NCKAP5L: variants seen among roughly 807,000 people sequenced by gnomAD.
NCKAP5L encodes the protein NCK associated protein 5 like.
NCKAP5L carries 54 observed loss-of-function variants against 103.2 expected under a neutral mutation model. The ratio of observed to expected loss-of-function variants is 0.52; its 90% CI spans 0.42 to 0.66. The LOEUF is 0.66. NCKAP5L is among the 30% of genes least tolerant of loss of function. The pLI is 0.00. For missense variants in NCKAP5L, 1,733 were observed against 1,750.6 expected, an observed-to-expected ratio of 0.99 and a Z score of 0.18; for synonymous variants, 762 against 748.6, an observed-to-expected ratio of 1.02 and a Z score of -0.29.
Position 49,808,855 on chromosome 12 carries a change from G to A in NCKAP5L, c.-98-2814C>T, listed in dbSNP as rs555286187. Among the ~76,000 whole-genome samples the A allele has an allele frequency of 3.9e-5, 6 of 152,312 alleles. No homozygotes were observed. The East Asian group carries it at 7.7e-4, about 20-fold the overall frequency. On this transcript the variant is annotated intron_variant, in intron 1 of 12. Coordinates refer to ENST00000335999, the MANE Select transcript of NCKAP5L (RefSeq NM_001037806.4). ...CTGGTGGCCCCAACACGTCTGGGAC[G>A]CTGGGTCTGGACACACAGTGCCGGC...
At chr12:49,793,176 G>A (rs1346060759) in intron 10 of NCKAP5L, among the ~76,000 whole-genome samples, 176 bp downstream of exon 10, 9 of 152,162 alleles carry the variant, frequency 5.9e-5, no homozygotes, top group Admixed American at 4.6e-4. Flanking sequence ...GGTGGGGCGA[G>A]TACCCTGAGG....
intron 1 of NCKAP5L, among the ~76,000 whole-genome samples, chr12:49,808,875 G>T (rs983184725): frequency 6.6e-6 from 1 of 152,198 alleles, no homozygotes; most frequent in African/African-American, 2.4e-5. Context: ...GACACACAGT[G>T]CCGGCCAGGC....
intron 1 of NCKAP5L, among the ~76,000 whole-genome samples, chr12:49,827,882 T>G (rs1211422726): frequency 1.3e-5 from 2 of 152,090 alleles, no homozygotes; most frequent in Non-Finnish European, 2.9e-5. Context: ...CGCCTGCGCT[T>G]TGGGGAGAGA....
At chr12:49,815,028 G>T (rs772929684) in intron 1 of NCKAP5L, among the ~76,000 whole-genome samples, 67 of 152,226 alleles carry the variant, frequency 4.4e-4, no homozygotes, top group Non-Finnish European at 7.3e-4. Flanking sequence ...CTTCCCCAGG[G>T]CATTATATCT....
At position 49,796,367 on chromosome 12, in the gene NCKAP5L, G is replaced by A. The variant is rs1356112809; in HGVS notation, c.1493C>T (p.Ser498Phe). ...CAGACCCCTTCGGGCCAACAGTGGG[G>A]AGGGGCTGCCGTCTGAGCCACTGTT... is the stretch of plus-strand genomic sequence containing the variant. Reference protein sequence around the residue: ...CRNSGSDGSPSPLLARRGLGG... With the variant: ...CRNSGSDGSPFPLLARRGLGG... Residue 498 changes from serine (S) to phenylalanine (F), a missense_variant, in exon 8 of 13, where the codon TCC becomes TTC. Physicochemically the swap from Ser to Phe is radical, Grantham distance 155. Transcript: ENST00000335999. 2 of 1,577,428 alleles carry A rather than the reference G, an allele frequency of 1.3e-6. No individual in the cohort carries two copies. Among genetic ancestry groups the A allele is most frequent in the Non-Finnish European group, 1.7e-6 (2 of 1,162,034 alleles).
chr12:49,827,703 G>C (rs974409207), intron 1 of NCKAP5L, among the ~76,000 whole-genome samples: 1 of 152,172 alleles, frequency 6.6e-6, no homozygotes, highest in South Asian at 2.1e-4. Flanking sequence ...TCTCTTCAGC[G>C]TGCAGCCCAC....
In NCKAP5L at chr12:49,792,088, T is replaced by G. The variant is rs1305834748; in HGVS notation, c.3793-37A>C. 6.8e-7 allele frequency: 1 copy of G among 1,470,040 alleles called. No individual in the cohort carries two copies. The highest frequency in any genetic ancestry group is 9.0e-7 in the Non-Finnish European group (1 of 1,110,450). 91.1% of individuals were successfully genotyped at this position (1,470,040 alleles called of 1,614,324 possible). ...GGGGCAGCTCGGGAGGAAGCTCCTC[T>G]CCACCTTTCGGCCCAGCCTCAGAGG... On this transcript the variant is annotated intron_variant, in intron 12 of 12. Coordinates refer to ENST00000335999, the MANE Select transcript of NCKAP5L (RefSeq NM_001037806.4). This position sits in a 1 kb window ranked among gnomAD's most constrained non-coding sequence, Gnocchi z 4.5.
intron 1 of NCKAP5L, among the ~76,000 whole-genome samples, chr12:49,815,835 C>T (rs7977112): frequency 0.55 from 84,135 of 151,844 alleles, 25,372 homozygotes; most frequent in East Asian, 0.79. Flanking sequence ...AAGATGTTCC[C>T]GGCTTATCTT....
At chr12:49,822,921 TCAA>T (rs1946376721) in intron 1 of NCKAP5L, among the ~76,000 whole-genome samples, 1 of 152,166 alleles carries the variant, frequency 6.6e-6, no homozygotes, top group Non-Finnish European at 1.5e-5. Context: ...ATCCAACTAC[TCAA>T]CAAGTTGATT....
chr12:49,818,486 T>C (rs1946324774), intron 1 of NCKAP5L, among the ~76,000 whole-genome samples: 2 of 152,066 alleles, frequency 1.3e-5, no homozygotes, highest in African/African-American at 2.4e-5. Context: ...GCCTCCTGAG[T>C]AGCTGGGACT....
Position 49,795,741 on chromosome 12 carries a change from C to T in NCKAP5L, c.2119G>A (p.Asp707Asn). Residue 707 changes from aspartate (D) to asparagine (N), a missense_variant, in exon 8 of 13, where the codon GAC becomes AAC. By Grantham distance (23) the Asp-to-Asn change is conservative. Transcript: ENST00000335999. ...GGCCTGTGGATGGAGGGCACCATGTCTCCAGCACTCTCCCCTGACTTCCCA... is the reference window on the plus strand; with the variant it reads ...GGCCTGTGGATGGAGGGCACCATGTTTCCAGCACTCTCCCCTGACTTCCCA... Reference protein sequence around the residue: ...GPGKSGESAGDMVPSIHRPLE... With the variant: ...GPGKSGESAGNMVPSIHRPLE... The T allele has an allele frequency of 6.2e-7, 1 of 1,601,430 alleles. No homozygotes were observed. Among genetic ancestry groups the T allele is most frequent in the East Asian group, 2.3e-5 (1 of 43,996 alleles).
chr12:49,815,004 C>T (rs570189987), intron 1 of NCKAP5L, among the ~76,000 whole-genome samples: 40 of 152,360 alleles, frequency 2.6e-4, no homozygotes, highest in Admixed American at 2.2e-3. Context: ...AAGAATACCA[C>T]GGAGGTGATA....
In NCKAP5L at chr12:49,796,604, G is replaced by C; in HGVS notation, c.1256C>G (p.Ser419Cys). 1 of 1,601,068 alleles carries C rather than the reference G, an allele frequency of 6.2e-7. No homozygotes were observed. Among genetic ancestry groups the C allele is most frequent in the Middle Eastern group, 1.7e-4 (1 of 5,972 alleles). Reference sequence around the variant, plus strand: ...TGAGGAATGGGGGTGGCCAGGCCGAGAGCCCAGTGGGGCATCCCCAGCACC... The same window carrying C: ...TGAGGAATGGGGGTGGCCAGGCCGACAGCCCAGTGGGGCATCCCCAGCACC... Reference protein sequence around the residue: ...FMGAGDAPLGSRPGHPHSSSQ... With the variant: ...FMGAGDAPLGCRPGHPHSSSQ... Residue 419 changes from serine to cysteine, a missense_variant, in exon 8 of 13, where the codon TCT becomes TGT. Coordinates refer to ENST00000335999, the MANE Select transcript of NCKAP5L (RefSeq NM_001037806.4).
Position 49,797,018 on chromosome 12 carries a change from G to A in NCKAP5L, c.842C>T (p.Pro281Leu). ...GRPWGPSRGPPQAQGTSSGPN... is the reference protein window; with the variant it reads ...GRPWGPSRGPLQAQGTSSGPN... ...GCCAGAGCTGGTGCCCTGGGCCTGA[G>A]GAGGTCCCCTGCTAGGACCCCAGGG... Residue 281 changes from proline to leucine, a missense_variant, in exon 8 of 13, where the codon CCT (proline) becomes CTT (leucine). Physicochemically the swap from Pro to Leu is moderately conservative, Grantham distance 98. Transcript: ENST00000335999. This position sits in a 1 kb window ranked among gnomAD's most constrained non-coding sequence, Gnocchi z 4.5. 3.8e-6 allele frequency: 6 copies of A among 1,580,748 alleles called. No homozygotes were observed. Among genetic ancestry groups the A allele is most frequent in the Non-Finnish European group, 5.2e-6 (6 of 1,163,988 alleles).
intron 1 of NCKAP5L, among the ~76,000 whole-genome samples, chr12:49,812,211 C>T (rs1414933128): frequency 2.0e-5 from 3 of 152,150 alleles, no homozygotes; most frequent in Non-Finnish European, 4.4e-5. Flanking sequence ...CAGTCACAGG[C>T]AACCACTCAT....
In NCKAP5L at chr12:49,795,585, C is replaced by G; in HGVS notation, c.2275G>C (p.Ala759Pro). 6.4e-7 allele frequency: 1 copy of G among 1,559,642 alleles called. No individual in the cohort carries two copies. Among genetic ancestry groups the G allele is most frequent in the Non-Finnish European group, 8.7e-7 (1 of 1,155,490 alleles). ...ARVYSSHSMG[A>P]RVDLEPVSPR... ...GAGACAGGCTCCAGGTCCACCCGGG[C>G]CCCCATGGAGTGAGAGGAGTAGACT... Residue 759 changes from alanine to proline, a missense_variant, in exon 8 of 13, where the codon GCC becomes CCC. Ala to Pro is a conservative substitution (Grantham distance 27). Transcript: ENST00000335999.
chr12:49,793,395 C>T lies in NCKAP5L; in HGVS notation c.3297G>A (p.Ser1099=), dbSNP rs772392942. The T allele has an allele frequency of 1.2e-5, 19 of 1,608,766 alleles. No homozygotes were observed. Among genetic ancestry groups the T allele is most frequent in the Middle Eastern group, 1.6e-4 (1 of 6,080 alleles). ...SEPGRREEMP[S]EDSLAEPVPT... Reference sequence around the variant, plus strand: ...GCACTGGCTCGGCCAGGCTGTCCTCCGAGGGCATCTCTTCCCGCCTCCCTG... The same window carrying T: ...GCACTGGCTCGGCCAGGCTGTCCTCTGAGGGCATCTCTTCCCGCCTCCCTG... Residue 1099 remains serine (S), a synonymous_variant, in exon 10 of 13, where the codon TCG becomes TCA. Transcript: ENST00000335999.
In NCKAP5L at chr12:49,795,370, A is replaced by G; in HGVS notation, c.2490T>C (p.Pro830=). The part of the protein sequence containing the change: ...SKSPTKVVPR[P]GAPLVTKESP... ...ACTCCTTGGTGACTAGCGGAGCCCC[A>G]GGTCGAGGCACCACCTTGGTTGGTG... is the stretch of plus-strand genomic sequence containing the variant. The change falls in exon 8 of 13, where the codon CCT becomes CCC. Residue 830 remains proline (P), a synonymous_variant. Transcript: ENST00000335999. 6.4e-7 allele frequency: 1 copy of G among 1,554,782 alleles called. No individual in the cohort carries two copies. The highest frequency in any genetic ancestry group is 8.6e-7 in the Non-Finnish European group (1 of 1,156,306).
In NCKAP5L at chr12:49,791,734, TGGTCCCTTC is replaced by T. The variant is rs533873855; in HGVS notation, c.*96_*104del. ...TCACCTTCTTATCCACCTGCCTCCT[TGGTCCCTTC>T]AGGGAGGGGTCCCCGTCTCCGGGGG... On this transcript the variant is annotated 3_prime_UTR_variant, in exon 13 of 13. Transcript: ENST00000335999. 333 of 985,454 alleles carry T rather than the reference TGGTCCCTTC, an allele frequency of 3.4e-4. No homozygotes were observed. In the African/African-American group the frequency reaches 4.5e-3, roughly 13 times the overall value. 61.0% of individuals were successfully genotyped at this position (985,454 alleles called of 1,614,324 possible). A position where few individuals can be genotyped will look rare whatever the true frequency, so the allele number is the denominator to read the frequency against.
Sources: gnomAD v4.1 joint callset for allele counts (sites outside exome capture counted in the v4.1 genomes callset) on GRCh38, gnomAD v4.1.1 for gene constraint, Gnocchi (gnomAD v3.1) non-coding constraint, MANE v1.5 for transcripts, NCBI Gene and HGNC (gene_info 2026-07-23, HGNC 2026-07-21) for gene names.